TMEM131L: variants seen among roughly 807,000 people sequenced by gnomAD.
TMEM131L encodes transmembrane protein 131-like.
A neutral mutation model predicts 192.2 loss-of-function variants in TMEM131L; 54 were observed. That is an observed-to-expected ratio of 0.28 (90% CI 0.23 to 0.35). TMEM131L has a LOEUF of 0.35. Among genes scored for constraint, TMEM131L ranks in the 10% least tolerant of loss-of-function variants. TMEM131L has a pLI of 1.00. For missense variants in TMEM131L, 1,888 were observed against 1,972.9 expected, an observed-to-expected ratio of 0.96 and a Z score of 0.82; for synonymous variants, 701 against 704.9, an observed-to-expected ratio of 0.99 and a Z score of 0.09.
At chr4:153,506,631 C>T (rs1734004041) in intron 3 of TMEM131L, among the ~76,000 whole-genome samples, 1 of 152,008 alleles carries the variant, frequency 6.6e-6, no homozygotes, top group South Asian at 2.1e-4. Flanking sequence ...CATCTGAGGT[C>T]AGGAGTTCAA....
intron 3 of TMEM131L, among the ~76,000 whole-genome samples, chr4:153,517,207 AGTTG>A (rs1734796750): frequency 6.6e-6 from 1 of 152,224 alleles, no homozygotes; most frequent in Admixed American, 6.5e-5. Flanking sequence ...ATGAAGATGA[AGTTG>A]GTTGAAGTTT....
chr4:153,468,086 A>G (rs531379187), intron 2 of TMEM131L, among the ~76,000 whole-genome samples: 1 of 152,128 alleles, frequency 6.6e-6, no homozygotes, highest in African/African-American at 2.4e-5. Flanking sequence ...TAAGATGTTC[A>G]TTACTTCCCA....
Position 153,467,220 on chromosome 4 carries a change from C to G in TMEM131L, c.134C>G (p.Pro45Arg), listed in dbSNP as rs140778868. The change falls in exon 2 of 35, where the codon CCG (proline) becomes CGG (arginine). Residue 45 changes from proline to arginine, a missense_variant. By Grantham distance (103) the Pro-to-Arg change is moderately radical (BLOSUM62 -2). Coordinates refer to ENST00000409959, the MANE Select transcript of TMEM131L (RefSeq NM_001131007.2). Reference sequence around the variant, plus strand: ...TTTGGTGTTCCTGCAGCGATTGAGCCGTTGCCGAACGTGGTGGAGCTGTGG... The same window carrying G: ...TTTGGTGTTCCTGCAGCGATTGAGCGGTTGCCGAACGTGGTGGAGCTGTGG... ...PGGAQGQAIEPLPNVVELWQA... is the reference protein window; with the variant it reads ...PGGAQGQAIERLPNVVELWQA... 965 of 1,551,664 alleles carry G rather than the reference C, an allele frequency of 6.2e-4. 6 individuals carry two copies. The African/African-American group carries it at 0.011, about 18-fold the overall frequency.
chr4:153,506,636 G>A (rs974411093), intron 3 of TMEM131L, among the ~76,000 whole-genome samples: 1 of 152,094 alleles, frequency 6.6e-6, no homozygotes, highest in African/African-American at 2.4e-5. Flanking sequence ...GAGGTCAGGA[G>A]TTCAAGATCA....
intron 9 of TMEM131L, 66 bp from the exon 10 acceptor site, chr4:153,583,124 A>C: frequency 1.2e-6 from 1 of 801,414 alleles, no homozygotes; most frequent in Non-Finnish European, 2.2e-6. Flanking sequence ...AGGTGTGAGA[A>C]TGAGATGGCT....
At chr4:153,494,626 C>G (rs115924133) in intron 3 of TMEM131L, among the ~76,000 whole-genome samples, 5 of 152,116 alleles carry the variant, frequency 3.3e-5, no homozygotes, top group African/African-American at 1.2e-4. Context: ...TCCTGAGCAC[C>G]GTGAACCGAG....
chr4:153,516,976 G>A (rs533571188), intron 3 of TMEM131L, among the ~76,000 whole-genome samples: 4 of 152,014 alleles, frequency 2.6e-5, no homozygotes, highest in Admixed American at 2.0e-4. Context: ...ACAGGTGCGC[G>A]CCACCATGCC....
At chr4:153,633,990 G>A (rs1250352291) in intron 32 of TMEM131L, among the ~76,000 whole-genome samples, 2 of 152,156 alleles carry the variant, frequency 1.3e-5, no homozygotes, top group African/African-American at 2.4e-5. Context: ...TAGTCCAGCC[G>A]TCCATCCTGC....
intron 3 of TMEM131L, among the ~76,000 whole-genome samples, chr4:153,485,121 T>C (rs1580043454): frequency 9.4e-6 from 1 of 106,894 alleles, no homozygotes; most frequent in African/African-American, 3.6e-5. Flanking sequence ...TCTGTCTCAT[T>C]AAAAAAAAAA....
rs954027101 is a variant in TMEM131L at position 153,617,618 on chromosome 4, C to A, written c.3568-3138C>A. The stretch of plus-strand genomic sequence containing the variant: ...CAAAAAAAACTATCCATCCAAAATG[C>A]TACCACTGAAAAGAAGTTCTGGAAA... On this transcript the variant is annotated intron_variant, in intron 26 of 34. Coordinates refer to ENST00000409959, the MANE Select transcript of TMEM131L (RefSeq NM_001131007.2). 2.6e-5 allele frequency among the ~76,000 whole-genome samples: 4 copies of A among 152,196 alleles called. No individual in the cohort carries two copies. In the South Asian group the frequency reaches 8.3e-4, roughly 31 times the overall value.
chr4:153,479,588 A>G (rs912495691), intron 3 of TMEM131L, among the ~76,000 whole-genome samples: 4 of 152,198 alleles, frequency 2.6e-5, no homozygotes, highest in African/African-American at 7.2e-5. Flanking sequence ...AGGTTTTAAA[A>G]TGCGTACAAA....
intron 19 of TMEM131L, among the ~76,000 whole-genome samples, chr4:153,595,580 C>G (rs971948705): frequency 2.0e-5 from 3 of 151,732 alleles, no homozygotes; most frequent in Admixed American, 1.3e-4. Flanking sequence ...TATATTAGCT[C>G]TAAGAAGTGA....
At position 153,473,905 on chromosome 4, in the gene TMEM131L, G is replaced by A. The variant is rs991876963; in HGVS notation, c.239+17G>A. ...AGAACAGAGGTAAGGAAAAAATGGG[G>A]GTGGAAACCTGCATGCTGAATGTCC... On this transcript the variant is annotated intron_variant, in intron 3 of 34. Coordinates refer to ENST00000409959, the MANE Select transcript of TMEM131L (RefSeq NM_001131007.2). 7.8e-6 allele frequency: 12 copies of A among 1,537,856 alleles called. No individual in the cohort carries two copies. In the Admixed American group the frequency reaches 2.4e-4, roughly 31 times the overall value.
intron 9 of TMEM131L, among the ~76,000 whole-genome samples, chr4:153,582,032 T>C (rs1730371364): frequency 6.6e-6 from 1 of 152,224 alleles, no homozygotes; most frequent in Admixed American, 6.5e-5. Context: ...TGGAAATGTG[T>C]GTCCTACTTA....
At chr4:153,492,102 A>G (rs1580060501) in intron 3 of TMEM131L, among the ~76,000 whole-genome samples, 1 of 152,234 alleles carries the variant, frequency 6.6e-6, no homozygotes, top group South Asian at 2.1e-4. Flanking sequence ...CCTGGGCTCA[A>G]GCGATCCCCC....
chr4:153,568,603 T>G (rs1218432932), intron 7 of TMEM131L, among the ~76,000 whole-genome samples: 1 of 152,170 alleles, frequency 6.6e-6, no homozygotes, highest in Non-Finnish European at 1.5e-5. Flanking sequence ...TCCTATTACC[T>G]GGCAATATAA....
intron 31 of TMEM131L, among the ~76,000 whole-genome samples, chr4:153,629,326 C>A (rs1409707369): frequency 1.3e-5 from 2 of 152,208 alleles, no homozygotes; most frequent in East Asian, 1.9e-4. Flanking sequence ...ACCAGCCCAC[C>A]ATGTCATGCC....
chr4:153,518,288 T>C (rs1734872925), intron 3 of TMEM131L, among the ~76,000 whole-genome samples: 1 of 152,072 alleles, frequency 6.6e-6, no homozygotes, highest in East Asian at 1.9e-4. Context: ...CGAGCACTTC[T>C]TGTGGGATGC....
chr4:153,586,462 T>A, intron 14 of TMEM131L, 83 bp downstream of exon 14: 1 of 1,013,724 alleles, frequency 9.9e-7, no homozygotes, highest in Non-Finnish European at 1.4e-6. Flanking sequence ...TGAGTTTTAT[T>A]AACTGGGTTA....
Sources: allele counts gnomAD v4.1 joint callset (sites outside exome capture counted in the v4.1 genomes callset), GRCh38; gene constraint gnomAD v4.1.1; transcripts MANE v1.5; gene names NCBI Gene and HGNC (gene_info 2026-07-23, HGNC 2026-07-21).